The following SLCO1A2 variants were observed in gnomAD, a reference collection of about 807,000 sequenced individuals.
The protein encoded by SLCO1A2 is solute carrier organic anion transporter family member 1A2.
SLCO1A2 carries 67 observed loss-of-function variants against 69.0 expected under a neutral mutation model. That is an observed-to-expected ratio of 0.97 (90% CI 0.80 to 1.19). The LOEUF (loss-of-function observed/expected upper bound fraction) is 1.19. Among genes scored for constraint, SLCO1A2 ranks in the 50% most tolerant of loss-of-function variants. The pLI, the probability that SLCO1A2 is intolerant of heterozygous loss-of-function variation, is 0.00. For missense variants in SLCO1A2, 787 were observed against 793.7 expected (o/e 0.99, Z 0.10); for synonymous variants, 260 against 265.9 (o/e 0.98, Z 0.22).
upstream of SLCO1A2, among the ~76,000 whole-genome samples, chr12:21,395,596 G>T (rs1419818194): frequency 4.6e-5 from 7 of 152,330 alleles, no homozygotes; most frequent in East Asian, 7.7e-4. Context: ...AAAGACAGCA[G>T]TAACCTCTGC....
chr12:21,294,027 G>C lies in SLCO1A2; in HGVS notation c.1355C>G (p.Pro452Arg), dbSNP rs1401228838. The stretch of plus-strand genomic sequence containing the variant: ...TGACAAGCCATTGTTTCCACACACA[G>C]GATCCCATATTTTAGATGGACAGTT... ...DCNCPSKIWD[P>R]VCGNNGLSYL... Residue 452 changes from proline to arginine, a missense_variant, in exon 11 of 15, where the codon CCT becomes CGT. Coordinates refer to ENST00000683939, the MANE Select transcript of SLCO1A2 (RefSeq NM_001386879.1). 6.2e-7 allele frequency: 1 copy of C among 1,612,330 alleles called. No individual in the cohort carries two copies.
intron 3 of SLCO1A2, 47 bp from the exon 4 acceptor site, chr12:21,314,728 CTTAA>C: frequency 1.4e-6 from 2 of 1,405,092 alleles, no homozygotes; most frequent in Non-Finnish European, 2.0e-6. Flanking sequence ...TGAACAAAGT[CTTAA>C]TTAAGAGCCT....
At chr12:21,321,748 A>G (rs374417705) in intron 2 of SLCO1A2, among the ~76,000 whole-genome samples, 4 of 152,140 alleles carry the variant, frequency 2.6e-5, no homozygotes, top group African/African-American at 9.6e-5. Context: ...CATTCTCAAG[A>G]CTCAGGTATT....
At chr12:21,392,931 A>G (rs993365372) in intron 1 of SLCO1A2, among the ~76,000 whole-genome samples, 7 of 152,044 alleles carry the variant, frequency 4.6e-5, no homozygotes, top group African/African-American at 1.7e-4. Context: ...CCAACCCTTG[A>G]CCCCTGCATA....
In SLCO1A2 at chr12:21,340,473, AGAAAAG is replaced by A. The variant is rs1323911893; in HGVS notation, c.-62-5770_-62-5765del. Among the ~76,000 whole-genome samples, 8 of 152,178 alleles carry A rather than the reference AGAAAAG, an allele frequency of 5.3e-5. No individual in the cohort carries two copies. The South Asian group carries it at 6.2e-4, about 12-fold the overall frequency. On this transcript the variant is annotated intron_variant, in intron 2 of 15. Transcript: ENST00000307378. ...GTTTCCACGTTGGAAGAAGAAAAAG[AGAAAAG>A]GAAAAGATTAATATTGTTTCTCATT...
intron 2 of SLCO1A2, among the ~76,000 whole-genome samples, chr12:21,370,514 G>A (rs1373254669): frequency 7.7e-6 from 1 of 129,048 alleles, no homozygotes; most frequent in East Asian, 2.3e-4. Flanking sequence ...GGTGTGTGAT[G>A]TTCCCCTTCC....
chr12:21,338,737 T>C (rs1165245731), upstream of SLCO1A2, among the ~76,000 whole-genome samples: 2 of 151,976 alleles, frequency 1.3e-5, no homozygotes, highest in Non-Finnish European at 2.9e-5. Context: ...CAAACATATG[T>C]ATTTCCATTA....
chr12:21,342,255 C>T (rs997833375), intron 2 of SLCO1A2, among the ~76,000 whole-genome samples: 1 of 151,946 alleles, frequency 6.6e-6, no homozygotes, highest in African/African-American at 2.4e-5. Flanking sequence ...TATTTACCTA[C>T]TACCTCATGT....
At chr12:21,308,457 C>T (rs1381448079) in intron 4 of SLCO1A2, among the ~76,000 whole-genome samples, 1 of 152,108 alleles carries the variant, frequency 6.6e-6, no homozygotes, top group Non-Finnish European at 1.5e-5. Context: ...TGATCCAAAA[C>T]AATAAGAGTG....
intron 1 of SLCO1A2, among the ~76,000 whole-genome samples, chr12:21,415,002 T>C (rs1382280374): frequency 6.6e-6 from 1 of 152,112 alleles, no homozygotes; most frequent in East Asian, 1.9e-4. Context: ...GATGTATCTT[T>C]TCTTCATATT....
At chr12:21,320,500 G>A (rs757321460) in intron 2 of SLCO1A2, among the ~76,000 whole-genome samples, 2 of 151,504 alleles carry the variant, frequency 1.3e-5, no homozygotes, top group Non-Finnish European at 2.9e-5. Flanking sequence ...TTTGTTTTGT[G>A]TTGTTTTGTT....
In SLCO1A2 at chr12:21,306,896, G is replaced by T. The variant is rs757941590; in HGVS notation, c.428C>A (p.Thr143Lys). The change falls in exon 5 of 15, where the codon ACG (threonine) becomes AAG (lysine). Residue 143 changes from threonine (T) to lysine (K), a missense_variant. Thr to Lys is a moderately conservative substitution (Grantham distance 78, BLOSUM62 -1). Coordinates refer to ENST00000683939, the MANE Select transcript of SLCO1A2 (RefSeq NM_001386879.1). ...MENGTQILRPTQDPSECTKEV... is the reference protein window; with the variant it reads ...MENGTQILRPKQDPSECTKEV... ...AAGTAGACAACCTGATGGATCCTGC[G>T]TTGGTCTTAAAATCTGGGTTCCATT... is the stretch of plus-strand genomic sequence containing the variant. 1.9e-6 allele frequency: 3 copies of T among 1,613,090 alleles called. No individual in the cohort carries two copies. The highest frequency in any genetic ancestry group is 1.7e-4 in the Middle Eastern group (1 of 6,056).
intron 2 of SLCO1A2, among the ~76,000 whole-genome samples, chr12:21,351,068 T>A (rs907195046): frequency 6.6e-6 from 1 of 152,110 alleles, no homozygotes; most frequent in Non-Finnish European, 1.5e-5. Context: ...AGTTTGTCAG[T>A]CTCTAAAGCC....
At chr12:21,350,834 T>TC (rs1227352110) in intron 2 of SLCO1A2, among the ~76,000 whole-genome samples, 2,272 of 7,284 alleles carry the variant, frequency 0.31, 111 homozygotes, top group Non-Finnish European at 0.37. Context: ...AGACTCTGTC[T>TC]CAAAAAAAAA....
At chr12:21,407,575 C>T (rs1034091928) in intron 1 of SLCO1A2, among the ~76,000 whole-genome samples, 5 of 152,080 alleles carry the variant, frequency 3.3e-5, no homozygotes, top group South Asian at 2.1e-4. Flanking sequence ...CCAAGGCAGA[C>T]GAATCACTTG....
upstream of SLCO1A2, among the ~76,000 whole-genome samples, chr12:21,400,037 A>G (rs1941634588): frequency 6.6e-6 from 1 of 151,574 alleles, no homozygotes; most frequent in Admixed American, 6.6e-5. Context: ...GGATCTAATT[A>G]AACTAAAGAG....
chr12:21,296,650 G>GA (rs573625126), intron 9 of SLCO1A2, among the ~76,000 whole-genome samples: 72 of 151,728 alleles, frequency 4.7e-4, no homozygotes, highest in Admixed American at 7.2e-4. Context: ...CCCAATAAGT[G>GA]AAAAAAAAGA....
At chr12:21,394,223 T>G (rs1006772988) in intron 1 of SLCO1A2, among the ~76,000 whole-genome samples, 2 of 152,178 alleles carry the variant, frequency 1.3e-5, no homozygotes, top group African/African-American at 4.8e-5. Flanking sequence ...CTGGTCAGCT[T>G]GCCTTAGTGG....
At chr12:21,339,604 G>T (rs1240264343), upstream of SLCO1A2, among the ~76,000 whole-genome samples, 2 of 151,980 alleles carry the variant, frequency 1.3e-5, no homozygotes, top group East Asian at 3.9e-4. Context: ...TAGTTATAAT[G>T]ATATAAGAAG....
Sources: allele counts gnomAD v4.1 joint callset (sites outside exome capture counted in the v4.1 genomes callset), GRCh38; gene constraint gnomAD v4.1.1; transcripts MANE v1.5; gene names NCBI Gene and HGNC (gene_info 2026-07-23, HGNC 2026-07-21).